Variants in CTNND2 observed in about 807,000 individuals in gnomAD.
CTNND2 encodes the protein catenin delta-2.
Under a neutral mutation model 144.4 loss-of-function variants are expected in CTNND2, and 22 were observed. The observed-to-expected ratio is 0.15, with a 90% confidence interval of 0.11 to 0.22. The LOEUF is 0.22. Ranked by LOEUF, CTNND2 falls within the 10% of genes least tolerant of loss-of-function variation. CTNND2 has a pLI of 1.00. For synonymous variants in CTNND2, 751 were observed against 695.6 expected (o/e 1.08, Z -1.25); for missense variants, 1,353 against 1,618.8 (o/e 0.84, Z 2.82).
intron 3 of CTNND2, among the ~76,000 whole-genome samples, chr5:11,426,897 A>T (rs1431419065): frequency 1.3e-5 from 2 of 152,224 alleles, no homozygotes; most frequent in East Asian, 3.9e-4. Context: ...CTCACCAATA[A>T]GAGAATGTTG....
chr5:11,062,381 T>C (rs1439661413), intron 16 of CTNND2, among the ~76,000 whole-genome samples: 1 of 152,234 alleles, frequency 6.6e-6, no homozygotes, highest in Non-Finnish European at 1.5e-5. Context: ...TATATGAAGA[T>C]AAGAAATTAT....
chr5:11,827,563 T>G (rs1255315814), intron 1 of CTNND2, among the ~76,000 whole-genome samples: 1 of 152,060 alleles, frequency 6.6e-6, no homozygotes, highest in Non-Finnish European at 1.5e-5. Flanking sequence ...AAGAAAAAGA[T>G]AGAGAAAACA....
At chr5:11,066,381 A>T (rs899159675) in intron 16 of CTNND2, among the ~76,000 whole-genome samples, 1 of 152,104 alleles carries the variant, frequency 6.6e-6, no homozygotes, top group African/African-American at 2.4e-5. Context: ...CTTCCTATTG[A>T]TCCCAGGCCT....
chr5:11,138,669 T>A (rs1458337361), intron 12 of CTNND2, among the ~76,000 whole-genome samples: 3 of 152,206 alleles, frequency 2.0e-5, no homozygotes, highest in Non-Finnish European at 4.4e-5. Flanking sequence ...TCACACAGAT[T>A]TAATGGGTGG....
Position 11,106,651 on chromosome 5 carries a change from G to A in CTNND2, c.2463+4207C>T, listed in dbSNP as rs890872557. ...GCAGACAATGCTACACGATTTCACT[G>A]GTAAGAGACTCCTCCTCACAAGGAG... On this transcript the variant is annotated intron_variant, in intron 14 of 21. Transcript: ENST00000304623. Among the ~76,000 whole-genome samples, 34 of 152,222 alleles carry A rather than the reference G, an allele frequency of 2.2e-4. 1 individual carries two copies. The highest frequency in any genetic ancestry group is 1.8e-3 in the Admixed American group (27 of 15,284).
chr5:11,813,806 A>G (rs2126915174), intron 1 of CTNND2, among the ~76,000 whole-genome samples: 1 of 152,266 alleles, frequency 6.6e-6, no homozygotes, highest in Non-Finnish European at 1.5e-5. Flanking sequence ...GAGCCACCCC[A>G]CTCAGCCTAG....
At chr5:11,526,196 C>T (rs1231799899) in intron 3 of CTNND2, among the ~76,000 whole-genome samples, 2 of 152,108 alleles carry the variant, frequency 1.3e-5, no homozygotes, top group African/African-American at 4.8e-5. Flanking sequence ...GCCACCATGC[C>T]CGGTCTATCT....
At chr5:11,270,619 C>T (rs1442391882) in intron 9 of CTNND2, among the ~76,000 whole-genome samples, 1 of 152,178 alleles carries the variant, frequency 6.6e-6, no homozygotes, top group Non-Finnish European at 1.5e-5. Flanking sequence ...AGGATCCCTG[C>T]TTCAACACAT....
chr5:11,845,070 T>C (rs1020912766), intron 1 of CTNND2, among the ~76,000 whole-genome samples: 1 of 152,050 alleles, frequency 6.6e-6, no homozygotes, highest in Non-Finnish European at 1.5e-5. Flanking sequence ...CGAGGACGCA[T>C]AAGGAAGCCA....
At chr5:11,168,689 T>C (rs536507386) in intron 11 of CTNND2, among the ~76,000 whole-genome samples, 1 of 152,218 alleles carries the variant, frequency 6.6e-6, no homozygotes, top group Non-Finnish European at 1.5e-5. Flanking sequence ...GCTGTCATAT[T>C]CTTCTATGTG....
At position 11,639,233 on chromosome 5, in the gene CTNND2, G is replaced by T. The variant is rs2727574; in HGVS notation, c.175-74177C>A. 2.6e-3 allele frequency among the ~76,000 whole-genome samples: 399 copies of T among 152,222 alleles called. 1 individual carries two copies. The highest frequency in any genetic ancestry group is 9.1e-3 in the African/African-American group (377 of 41,544). The stretch of plus-strand genomic sequence containing the variant: ...GGACACCAAGCACAACAAGGAATTC[G>T]CAAGTCCACAATGTCAATAATGCAA... On this transcript the variant is annotated intron_variant, in intron 2 of 21. Coordinates refer to ENST00000304623, the MANE Select transcript of CTNND2 (RefSeq NM_001332.4).
At chr5:11,756,276 T>TA (rs1788932286) in intron 1 of CTNND2, among the ~76,000 whole-genome samples, 1 of 151,364 alleles carries the variant, frequency 6.6e-6, no homozygotes, top group Non-Finnish European at 1.5e-5. Context: ...CTGATCTGAG[T>TA]AAAAAAAATA....
intron 9 of CTNND2, among the ~76,000 whole-genome samples, chr5:11,284,235 A>G (rs1472708402): frequency 1.3e-5 from 2 of 152,016 alleles, no homozygotes; most frequent in African/African-American, 2.4e-5. Context: ...TGTTGTGGGG[A>G]GGTGAAGGTT....
intron 2 of CTNND2, among the ~76,000 whole-genome samples, chr5:11,692,823 T>C (rs188045408): frequency 1.3e-5 from 2 of 152,290 alleles, no homozygotes; most frequent in East Asian, 3.9e-4. Flanking sequence ...ACTGGTCTTG[T>C]ACTCCTGATC....
At chr5:11,750,895 G>C (rs1052983598) in intron 1 of CTNND2, among the ~76,000 whole-genome samples, 3 of 151,698 alleles carry the variant, frequency 2.0e-5, no homozygotes, top group African/African-American at 4.8e-5. Flanking sequence ...AATGAACTAT[G>C]ACTATGAATA....
At chr5:11,669,302 T>A (rs1327866834) in intron 2 of CTNND2, among the ~76,000 whole-genome samples, 4 of 152,172 alleles carry the variant, frequency 2.6e-5, no homozygotes, top group Non-Finnish European at 5.9e-5. Flanking sequence ...GGATTCCCTC[T>A]TTTTCTATTG....
intron 3 of CTNND2, among the ~76,000 whole-genome samples, chr5:11,506,009 T>C (rs753873847): frequency 3.0e-4 from 45 of 152,190 alleles, no homozygotes; most frequent in Admixed American, 1.8e-3. Context: ...TAAATGTGAG[T>C]TGAAACTCAC....
intron 11 of CTNND2, among the ~76,000 whole-genome samples, chr5:11,172,384 C>A (rs1219257788): frequency 6.6e-6 from 1 of 152,190 alleles, no homozygotes; most frequent in Non-Finnish European, 1.5e-5. Flanking sequence ...TTAGCCTAAT[C>A]ATGACTGAAC....
intron 3 of CTNND2, among the ~76,000 whole-genome samples, chr5:11,517,849 CTCCTT>C (rs1472927104): frequency 1.3e-5 from 2 of 152,192 alleles, no homozygotes; most frequent in South Asian, 2.1e-4. Context: ...AAAAAGATCT[CTCCTT>C]TCAGCAAAGT....
Sources: allele counts gnomAD v4.1 joint callset (sites outside exome capture counted in the v4.1 genomes callset), GRCh38; gene constraint gnomAD v4.1.1; transcripts MANE v1.5; gene names NCBI Gene and HGNC (gene_info 2026-07-23, HGNC 2026-07-21).